The following EXOC6B variants were observed in gnomAD, a reference collection of about 807,000 sequenced individuals.
EXOC6B encodes the protein exocyst complex component 6B.
A neutral mutation model predicts 113.5 loss-of-function variants in EXOC6B; 54 were observed. The ratio of observed to expected loss-of-function variants is 0.48; its 90% CI spans 0.38 to 0.60. EXOC6B has a LOEUF of 0.60. EXOC6B is among the 20% of genes least tolerant of loss of function. The pLI is 0.00. For synonymous variants in EXOC6B, 357 were observed against 339.0 expected, an observed-to-expected ratio of 1.05 and a Z score of -0.58; for missense variants, 797 against 977.5, an observed-to-expected ratio of 0.82 and a Z score of 2.46.
chr2:72,694,925 TG>T (rs2104604990), intron 6 of EXOC6B, among the ~76,000 whole-genome samples: 1 of 152,314 alleles, frequency 6.6e-6, no homozygotes, highest in East Asian at 1.9e-4. Context: ...GTTTAACACA[TG>T]CTTTGAAATA....
At chr2:72,618,284 G>A (rs779782265) in intron 6 of EXOC6B, among the ~76,000 whole-genome samples, 12 of 152,170 alleles carry the variant, frequency 7.9e-5, no homozygotes, top group East Asian at 7.7e-4. Context: ...CAGGAGAATC[G>A]TTTGAACCCA....
At chr2:72,601,176 G>GTGTGTGTGTGTA (rs1553450422) in intron 6 of EXOC6B, among the ~76,000 whole-genome samples, 1 of 147,538 alleles carries the variant, frequency 6.8e-6, no homozygotes, top group African/African-American at 2.5e-5. Flanking sequence ...GTGTGTGTGT[G>GTGTGTGTGTGTA]TATATCTTTT....
intron 20 of EXOC6B, among the ~76,000 whole-genome samples, chr2:72,306,559 T>C (rs1281224919): frequency 6.6e-6 from 1 of 152,222 alleles, no homozygotes; most frequent in African/African-American, 2.4e-5. Flanking sequence ...TTCTCATATT[T>C]CTTTATTAAA....
At chr2:72,332,344 G>A (rs534399905) in intron 20 of EXOC6B, among the ~76,000 whole-genome samples, 4 of 152,044 alleles carry the variant, frequency 2.6e-5, no homozygotes, top group South Asian at 2.1e-4. Context: ...GAAAAACACC[G>A]ACCAGTGAGA....
At chr2:72,289,143 TG>T in intron 20 of EXOC6B, 2 of 239,970 alleles carry the variant, frequency 8.3e-6, no homozygotes, top group Admixed American at 8.4e-5. Context: ...ACAAATAAAA[TG>T]GCTCATGGGC....
At chr2:72,426,992 C>A (rs1013464974) in intron 18 of EXOC6B, among the ~76,000 whole-genome samples, 2 of 152,222 alleles carry the variant, frequency 1.3e-5, no homozygotes, top group African/African-American at 4.8e-5. Context: ...GGCTCCCAGG[C>A]CCGGAGCCTC....
intron 20 of EXOC6B, chr2:72,289,013 C>T (rs530877307): frequency 3.8e-6 from 1 of 265,982 alleles, no homozygotes; most frequent in Non-Finnish European, 7.3e-6. Flanking sequence ...AATAATCCCG[C>T]CAGTTTAGTT....
At chr2:72,771,779 A>G (rs1265861771) in intron 1 of EXOC6B, among the ~76,000 whole-genome samples, 1 of 152,224 alleles carries the variant, frequency 6.6e-6, no homozygotes, top group Non-Finnish European at 1.5e-5. Flanking sequence ...ATTCAAGCCC[A>G]GCCTGGGCAA....
intron 1 of EXOC6B, among the ~76,000 whole-genome samples, chr2:72,761,178 CA>C (rs901390467): frequency 7.5e-5 from 11 of 146,202 alleles, no homozygotes; most frequent in South Asian, 2.2e-4. Flanking sequence ...GACTCTGTCT[CA>C]AAAAAAAAAG....
intron 6 of EXOC6B, among the ~76,000 whole-genome samples, chr2:72,639,057 T>C (rs1426753717): frequency 6.6e-6 from 1 of 152,094 alleles, no homozygotes. Context: ...CCATGCACTA[T>C]CTCACAGTCT....
intron 16 of EXOC6B, among the ~76,000 whole-genome samples, chr2:72,487,163 C>T (rs556338370): frequency 1.3e-5 from 2 of 152,296 alleles, no homozygotes; most frequent in African/African-American, 2.4e-5. Flanking sequence ...CCAACATAAA[C>T]GCATTACTAC....
At chr2:72,524,956 T>A (rs1440444435) in intron 8 of EXOC6B, among the ~76,000 whole-genome samples, 1 of 152,198 alleles carries the variant, frequency 6.6e-6, no homozygotes, top group Non-Finnish European at 1.5e-5. Context: ...TGACCCTTAT[T>A]TGAAGAGAGT....
At chr2:72,386,925 A>C (rs939339146) in intron 18 of EXOC6B, among the ~76,000 whole-genome samples, 1 of 152,182 alleles carries the variant, frequency 6.6e-6, no homozygotes, top group Non-Finnish European at 1.5e-5. Flanking sequence ...TCTTTTGCTC[A>C]GCATGTTTCT....
At chr2:72,668,221 G>A (rs560596655) in intron 6 of EXOC6B, among the ~76,000 whole-genome samples, 20 of 152,182 alleles carry the variant, frequency 1.3e-4, no homozygotes, top group Middle Eastern at 3.4e-3. Flanking sequence ...GAGATACCAC[G>A]ACACATTAGT....
chr2:72,711,864 CAGG>C (rs1185458798), intron 6 of EXOC6B, among the ~76,000 whole-genome samples: 1 of 152,072 alleles, frequency 6.6e-6, no homozygotes, highest in Non-Finnish European at 1.5e-5. Context: ...TGGGACAGAA[CAGG>C]AGATTTCATC....
At chr2:72,423,386 G>A (rs1695023056) in intron 18 of EXOC6B, among the ~76,000 whole-genome samples, 1 of 152,102 alleles carries the variant, frequency 6.6e-6, no homozygotes, top group Non-Finnish European at 1.5e-5. Flanking sequence ...ACCAATTCTG[G>A]ACACACTACT....
intron 1 of EXOC6B, among the ~76,000 whole-genome samples, chr2:72,772,085 A>T (rs773009366): frequency 3.3e-5 from 5 of 152,120 alleles, no homozygotes; most frequent in Admixed American, 6.6e-5. Context: ...GAAAATATAC[A>T]TTAAAGGGGG....
At chr2:72,432,599 C>G (rs552079306) in intron 18 of EXOC6B, among the ~76,000 whole-genome samples, 23 of 152,126 alleles carry the variant, frequency 1.5e-4, no homozygotes, top group Non-Finnish European at 3.1e-4. Flanking sequence ...TGTTTCCTGA[C>G]TTCTTAATGA....
intron 8 of EXOC6B, among the ~76,000 whole-genome samples, chr2:72,552,044 T>C (rs1317779080): frequency 6.6e-6 from 1 of 152,230 alleles, no homozygotes; most frequent in Non-Finnish European, 1.5e-5. Context: ...TTCAAACAAA[T>C]GTACTAGATT....
Sources: gnomAD v4.1 joint callset for allele counts (sites outside exome capture counted in the v4.1 genomes callset) on GRCh38, gnomAD v4.1.1 for gene constraint, MANE v1.5 for transcripts, NCBI Gene and HGNC (gene_info 2026-07-23, HGNC 2026-07-21) for gene names.